EIF4E2: variants seen among roughly 807,000 people sequenced by gnomAD.
EIF4E2 encodes eukaryotic translation initiation factor 4E family member 2.
Under a neutral mutation model 34.2 loss-of-function variants are expected in EIF4E2, and 13 were observed. The observed-to-expected ratio is 0.38, with a 90% CI of 0.25 to 0.60. EIF4E2 has a LOEUF of 0.60. Among genes scored for constraint, EIF4E2 ranks in the 20% least tolerant of loss-of-function variants. The pLI is 0.62. For synonymous variants in EIF4E2, 100 were observed against 106.6 expected (o/e 0.94, Z 0.38); for missense variants, 222 against 315.1 (o/e 0.70, Z 2.24).
downstream of EIF4E2, among the ~76,000 whole-genome samples, chr2:232,571,489 G>T (rs1406995648): frequency 6.6e-6 from 1 of 152,214 alleles, no homozygotes; most frequent in East Asian, 1.9e-4. Flanking sequence ...AATGTCTTTT[G>T]TGAAGAAACT....
At chr2:232,561,347 A>G (rs1370009579) in intron 3 of EIF4E2, among the ~76,000 whole-genome samples, 1 of 151,990 alleles carries the variant, frequency 6.6e-6, no homozygotes, top group Non-Finnish European at 1.5e-5. Flanking sequence ...AGCATATAAG[A>G]ATTTACCCAA....
chr2:232,565,030 G>A (rs1162247763), intron 4 of EIF4E2, among the ~76,000 whole-genome samples: 2 of 143,652 alleles, frequency 1.4e-5, no homozygotes, highest in Non-Finnish European at 3.0e-5. Flanking sequence ...TTAAAGGCAG[G>A]AACTGGAGAC....
intron 3 of EIF4E2, chr2:232,558,913 G>C (rs1307408614): frequency 1.3e-5 from 2 of 152,148 alleles, no homozygotes; most frequent in South Asian, 2.1e-4. Flanking sequence ...GACTTGGTTT[G>C]TGTACCCCAA....
intron 3 of EIF4E2, 130 bp downstream of exon 3, chr2:232,558,148 C>T (rs965795993): frequency 4.0e-5 from 49 of 1,236,722 alleles, no homozygotes; most frequent in South Asian, 1.1e-4. Flanking sequence ...CCTGAGTCTC[C>T]GGAGTCAGAT....
At chr2:232,579,219 T>A (rs1559324587) in intron 6 of EIF4E2, among the ~76,000 whole-genome samples, 1 of 152,026 alleles carries the variant, frequency 6.6e-6, no homozygotes, top group Non-Finnish European at 1.5e-5. Context: ...CCTTATCCTT[T>A]GCTAGCTACT....
chr2:232,551,092 T>G, intron 1 of EIF4E2: 2 of 616,886 alleles, frequency 3.2e-6, no homozygotes, highest in Non-Finnish European at 6.2e-6. Context: ...GTTTCCGCAG[T>G]CTGGCAGCGC....
chr2:232,578,934 C>T (rs1409830465), intron 6 of EIF4E2, among the ~76,000 whole-genome samples: 1 of 152,120 alleles, frequency 6.6e-6, no homozygotes, highest in Non-Finnish European at 1.5e-5. Context: ...AGAGCAGAAT[C>T]CCTCCTGATA....
chr2:232,568,008 T>C (rs1009530496), intron 6 of EIF4E2: 1 of 978,834 alleles, frequency 1.0e-6, no homozygotes, highest in African/African-American at 1.8e-5. Flanking sequence ...CAAGTGTCTT[T>C]GCAACTTTGC....
chr2:232,564,731 G>A (rs183256429), intron 4 of EIF4E2, among the ~76,000 whole-genome samples: 31 of 152,292 alleles, frequency 2.0e-4, no homozygotes, highest in Middle Eastern at 3.4e-3. Flanking sequence ...GATTACAGGC[G>A]TGAGCCACCG....
At chr2:232,570,948 G>T (rs375322355), downstream of EIF4E2, among the ~76,000 whole-genome samples, 10 of 152,258 alleles carry the variant, frequency 6.6e-5, no homozygotes, top group African/African-American at 2.4e-4. Flanking sequence ...AAAAAACAAA[G>T]AATTCCAAGG....
chr2:232,551,797 A>G (rs11883815), intron 1 of EIF4E2, among the ~76,000 whole-genome samples: 5,964 of 152,272 alleles, frequency 0.039, 421 homozygotes, highest in African/African-American at 0.14. Context: ...TTTCCAATAC[A>G]GAGAGTACTG....
intron 6 of EIF4E2, among the ~76,000 whole-genome samples, chr2:232,578,490 G>T (rs1324457702): frequency 6.6e-6 from 1 of 152,020 alleles, no homozygotes; most frequent in Non-Finnish European, 1.5e-5. Context: ...AATTAGCTGG[G>T]CGTGGTGGTG....
chr2:232,574,552 C>T (rs185586335), intron 6 of EIF4E2, among the ~76,000 whole-genome samples: 4 of 152,322 alleles, frequency 2.6e-5, no homozygotes, highest in Admixed American at 6.5e-5. Context: ...CCCCTATTTT[C>T]TCATCTGGAA....
In EIF4E2 at chr2:232,557,952, C is replaced by T; in HGVS notation, c.204C>T (p.Thr68=). 1 of 1,614,116 alleles carries T rather than the reference C, an allele frequency of 6.2e-7. No individual in the cohort carries two copies. Among genetic ancestry groups the T allele is most frequent in the South Asian group, 1.1e-5 (1 of 91,060 alleles). The change falls in exon 3 of 7, where the codon ACC becomes ACT. Residue 68 remains threonine (T), a synonymous_variant. Transcript: ENST00000258416. The stretch of plus-strand genomic sequence containing the variant: ...ACACTTTTTGGTACTCCAGGAGAAC[C>T]CCCGGCCGTCCCACGAGCTCACAGA... ...YNYTFWYSRR[T]PGRPTSSQSY... is the part of the protein sequence containing the mutation.
At chr2:232,561,120 GA>G (rs1574663767) in intron 3 of EIF4E2, among the ~76,000 whole-genome samples, 1 of 152,294 alleles carries the variant, frequency 6.6e-6, no homozygotes, top group East Asian at 1.9e-4. Flanking sequence ...TGCCTTGGAA[GA>G]GATGGGTTTA....
intron 6 of EIF4E2, among the ~76,000 whole-genome samples, chr2:232,575,029 C>T (rs1693176951): frequency 6.6e-6 from 1 of 152,152 alleles, no homozygotes. Context: ...TAAATTTATT[C>T]TGAATGAGAG....
rs1187080695 is a variant in EIF4E2, at chr2:232,566,327, C to T, written c.376-502C>T. ...TCAGCCTCCCGAGTAGCTGGGACTACAGGCGCCCACCACCATGCCCGGCTA... is the reference window on the plus strand; with the variant it reads ...TCAGCCTCCCGAGTAGCTGGGACTATAGGCGCCCACCACCATGCCCGGCTA... On this transcript the variant is annotated intron_variant, in intron 4 of 6. Coordinates refer to ENST00000258416, the MANE Select transcript of EIF4E2 (RefSeq NM_004846.4). This position sits in a 1 kb window ranked among gnomAD's most constrained non-coding sequence, Gnocchi z 4.9. 6.6e-6 allele frequency among the ~76,000 whole-genome samples: 1 copy of T among 152,132 alleles called. No individual in the cohort carries two copies. Among genetic ancestry groups the T allele is most frequent in the Non-Finnish European group, 1.5e-5 (1 of 68,020 alleles).
In EIF4E2 at chr2:232,558,038, A is replaced by G. The variant is rs1351470234; in HGVS notation, c.270+20A>G. The stretch of plus-strand genomic sequence containing the variant: ...GCCTCTGTGAGTTCTTGGTGAATTA[A>G]TGGAGTGTGCCTTGATAGTTCGTTC... On this transcript the variant is annotated intron_variant, in intron 3 of 6. Coordinates refer to ENST00000258416, the MANE Select transcript of EIF4E2 (RefSeq NM_004846.4). 3 of 1,613,638 alleles carry G rather than the reference A, an allele frequency of 1.9e-6. No individual in the cohort carries two copies. Among genetic ancestry groups the G allele is most frequent in the Non-Finnish European group, 2.5e-6 (3 of 1,179,882 alleles).
rs1267963151 is a variant in EIF4E2 at position 232,576,216 on chromosome 2, G to T, written c.666-4688G>T. The stretch of plus-strand genomic sequence containing the variant: ...AGACTCCATCTCAAAAAAAAAAACT[G>T]GGGATGCTTACAGTGAATGTGATTT... On this transcript the variant is annotated intron_variant, in intron 6 of 6. Transcript: ENST00000409098. 2.7e-5 allele frequency among the ~76,000 whole-genome samples: 4 copies of T among 150,430 alleles called. No individual in the cohort carries two copies. The East Asian group carries it at 7.8e-4, about 29-fold the overall frequency.
Sources: gnomAD v4.1 joint callset for allele counts (sites outside exome capture counted in the v4.1 genomes callset) on GRCh38, gnomAD v4.1.1 for gene constraint, Gnocchi (gnomAD v3.1) non-coding constraint, MANE v1.5 for transcripts, NCBI Gene and HGNC (gene_info 2026-07-23, HGNC 2026-07-21) for gene names.